Variants in ANK2 observed in about 807,000 individuals in gnomAD.
ANK2 encodes the protein ankyrin 2.
In ANK2, 83 loss-of-function variants were observed where a neutral mutation model predicts 360.5. The ratio of observed to expected loss-of-function variants is 0.23; its 90% confidence interval spans 0.19 to 0.28. ANK2 has a LOEUF of 0.28. Ranked by LOEUF, ANK2 falls within the 10% of genes least tolerant of loss-of-function variation. The pLI, the probability that ANK2 is intolerant of heterozygous loss-of-function variation, is 1.00. For missense variants in ANK2, 4,201 were observed against 4,795.7 expected (o/e 0.88, Z 3.66); for synonymous variants, 1,740 against 1,759.5 (o/e 0.99, Z 0.28).
At position 113,363,326 on chromosome 4, in the gene ANK2, TTTATC is replaced by T. The variant is rs1340714124; in HGVS notation, c.10757-9_10757-5del. On this transcript the variant is annotated splice_polypyrimidine_tract_variant and splice_region_variant and intron_variant, in intron 39 of 45. Coordinates refer to ENST00000357077, the MANE Select transcript of ANK2 (RefSeq NM_001148.6). Reference sequence around the variant, plus strand: ...AGTTAATGTGTTTACAAAGTAGTATTTTATCTTCTAGAATTAGCAAGAGAACTGGA... The same window carrying T: ...AGTTAATGTGTTTACAAAGTAGTATTTTCTAGAATTAGCAAGAGAACTGGA... The T allele has an allele frequency of 6.2e-7, 1 of 1,612,216 alleles. No individual in the cohort carries two copies. The highest frequency in any genetic ancestry group is 1.7e-5 in the Admixed American group (1 of 59,876).
chr4:112,935,064 T>A (rs2093615367), intron 2 of ANK2, among the ~76,000 whole-genome samples: 1 of 151,820 alleles, frequency 6.6e-6, no homozygotes, highest in Non-Finnish European at 1.5e-5. Flanking sequence ...ACCAAAGCAT[T>A]CACTGTGGCT....
intron 4 of ANK2, among the ~76,000 whole-genome samples, chr4:113,210,229 C>A (rs1231947810): frequency 6.6e-6 from 1 of 152,138 alleles, no homozygotes; most frequent in African/African-American, 2.4e-5. Flanking sequence ...AAGAGGGGAT[C>A]CCTGCTCTGT....
the ANK2 span, among the ~76,000 whole-genome samples, chr4:112,762,063 G>T: frequency 7.9e-5 from 12 of 152,174 alleles, no homozygotes; most frequent in Non-Finnish European, 1.6e-4. Context: ...TGGGCATGGG[G>T]AACAGACATT....
At chr4:112,738,508 A>G in the ANK2 span, among the ~76,000 whole-genome samples, 1 of 152,116 alleles carries the variant, frequency 6.6e-6, no homozygotes, top group Admixed American at 6.6e-5. Context: ...TCCTTACTTA[A>G]CAGGTGCTGT....
At chr4:112,911,129 T>A (rs1161104848) in intron 2 of ANK2, among the ~76,000 whole-genome samples, 1 of 151,090 alleles carries the variant, frequency 6.6e-6, no homozygotes, top group Non-Finnish European at 1.5e-5. Flanking sequence ...AGCTAATTTT[T>A]GTATTTTTAG....
intron 2 of ANK2, among the ~76,000 whole-genome samples, chr4:112,936,606 A>G (rs576774712): frequency 9.7e-4 from 147 of 152,130 alleles, no homozygotes; most frequent in African/African-American, 3.4e-3. Context: ...GGCTTCCCAA[A>G]GTGCTGGGAT....
chr4:113,207,292 A>G (rs1406030811), intron 4 of ANK2, among the ~76,000 whole-genome samples: 1 of 152,132 alleles, frequency 6.6e-6, no homozygotes, highest in Admixed American at 6.5e-5. Flanking sequence ...TGAAATTTGA[A>G]TGAATAATCG....
At chr4:113,131,541 G>C (rs997799214) in intron 1 of ANK2, among the ~76,000 whole-genome samples, 1 of 152,196 alleles carries the variant, frequency 6.6e-6, no homozygotes, top group African/African-American at 2.4e-5. Context: ...TTGTTTGAAA[G>C]CTGCTAAAAA....
At chr4:113,292,092 T>G (rs1472636119) in intron 20 of ANK2, among the ~76,000 whole-genome samples, 1 of 152,206 alleles carries the variant, frequency 6.6e-6, no homozygotes, top group East Asian at 1.9e-4. Context: ...AGCTCAGATG[T>G]GAGCAGAAGT....
rs2090653646 is a variant in ANK2, at chr4:113,095,576, A to G, written c.84+45764A>G. ...CTTTATTCTTTCTTTCTATTATTCTATTGTTATCCCCAGTAGAGGAAATGT... is the reference window on the plus strand; with the variant it reads ...CTTTATTCTTTCTTTCTATTATTCTGTTGTTATCCCCAGTAGAGGAAATGT... On this transcript the variant is annotated intron_variant, in intron 1 of 45. Transcript: ENST00000357077. Among the ~76,000 whole-genome samples the G allele has an allele frequency of 2.0e-5, 3 of 152,240 alleles. No homozygotes were observed. In the South Asian group the frequency reaches 6.2e-4, roughly 32 times the overall value.
At chr4:113,199,851 C>G (rs1305391792) in intron 4 of ANK2, among the ~76,000 whole-genome samples, 7 of 152,114 alleles carry the variant, frequency 4.6e-5, no homozygotes, top group Admixed American at 3.3e-4. Flanking sequence ...GCAAAATAAG[C>G]CAGCTCTGTT....
At chr4:112,937,572 C>T (rs552067037) in intron 2 of ANK2, among the ~76,000 whole-genome samples, 1 of 152,286 alleles carries the variant, frequency 6.6e-6, no homozygotes, top group East Asian at 1.9e-4. Flanking sequence ...AGGTGATCCA[C>T]CCGCCTCGGC....
At chr4:113,194,090 A>G (rs890051689) in intron 2 of ANK2, among the ~76,000 whole-genome samples, 7 of 152,220 alleles carry the variant, frequency 4.6e-5, no homozygotes, top group African/African-American at 1.7e-4. Context: ...CAAAAATTAC[A>G]TAATGTGTCC....
intron 1 of ANK2, among the ~76,000 whole-genome samples, chr4:113,077,316 A>T (rs903755943): frequency 3.9e-5 from 6 of 152,184 alleles, no homozygotes; most frequent in Non-Finnish European, 7.3e-5. Context: ...TGGAAAAACA[A>T]CACAATGTAA....
chr4:112,732,808 G>A, the ANK2 span, among the ~76,000 whole-genome samples: 6 of 152,172 alleles, frequency 3.9e-5, no homozygotes, highest in East Asian at 7.7e-4. Flanking sequence ...CAGGCTGGGC[G>A]TGGTGGCTCA....
chr4:113,003,418 T>A (rs1425049585), intron 2 of ANK2, among the ~76,000 whole-genome samples: 1 of 151,944 alleles, frequency 6.6e-6, no homozygotes, highest in Non-Finnish European at 1.5e-5. Context: ...TGAAAAAAAA[T>A]AATGAATCAA....
chr4:113,158,346 T>C (rs1427310498), intron 1 of ANK2, among the ~76,000 whole-genome samples: 1 of 152,218 alleles, frequency 6.6e-6, no homozygotes, highest in African/African-American at 2.4e-5. Flanking sequence ...AGTAATTCTC[T>C]TACTTGAAAC....
intron 4 of ANK2, among the ~76,000 whole-genome samples, chr4:113,224,729 A>G (rs2099194566): frequency 6.6e-6 from 1 of 152,160 alleles, no homozygotes; most frequent in African/African-American, 2.4e-5. Flanking sequence ...CTCTTGTGAT[A>G]TATTTTAGAG....
chr4:113,092,085 T>G (rs1007790723), intron 1 of ANK2, among the ~76,000 whole-genome samples: 2 of 145,052 alleles, frequency 1.4e-5, no homozygotes, highest in African/African-American at 2.4e-5. Context: ...TATTTCCATT[T>G]TAAATGTCAT....
Sources: allele counts gnomAD v4.1 joint callset (sites outside exome capture counted in the v4.1 genomes callset), GRCh38; gene constraint gnomAD v4.1.1; transcripts MANE v1.5; gene names NCBI Gene and HGNC (gene_info 2026-07-23, HGNC 2026-07-21).